The following EML5 variants were observed in gnomAD, a reference collection of about 807,000 sequenced individuals.
The protein encoded by EML5 is echinoderm microtubule-associated protein-like 5.
Under a neutral mutation model 250.0 loss-of-function variants are expected in EML5, and 120 were observed. The observed-to-expected ratio is 0.48, with a 90% CI of 0.41 to 0.56. EML5 has a LOEUF of 0.56. EML5 is among the 20% of genes least tolerant of loss of function. EML5 has a pLI of 0.00. For missense variants in EML5, 2,006 were observed against 2,437.6 expected (o/e 0.82, Z 3.73); for synonymous variants, 771 against 806.5 (o/e 0.96, Z 0.75).
chr14:88,757,807 C>A (rs746624595), intron 1 of EML5, among the ~76,000 whole-genome samples: 3 of 151,320 alleles, frequency 2.0e-5, no homozygotes, highest in African/African-American at 7.3e-5. Flanking sequence ...TCTTTCCTTC[C>A]TTCCTTTTCT....
At chr14:88,698,842 T>C (rs936974403) in intron 14 of EML5, among the ~76,000 whole-genome samples, 1 of 152,168 alleles carries the variant, frequency 6.6e-6, no homozygotes, top group African/African-American at 2.4e-5. Context: ...CACTGAGAAG[T>C]AATTTATGTG....
At chr14:88,728,828 T>G (rs1413316290) in intron 7 of EML5, among the ~76,000 whole-genome samples, 1 of 151,698 alleles carries the variant, frequency 6.6e-6, no homozygotes, top group East Asian at 1.9e-4. Context: ...GGAAGTAATC[T>G]CCCCCAAAAA....
chr14:88,729,695 G>T (rs1388698990), intron 7 of EML5, among the ~76,000 whole-genome samples: 2 of 151,892 alleles, frequency 1.3e-5, no homozygotes, highest in African/African-American at 4.8e-5. Flanking sequence ...GAGTAGCTGG[G>T]ATTACAAGCA....
intron 1 of EML5, among the ~76,000 whole-genome samples, chr14:88,759,276 G>C (rs2094204801): frequency 6.6e-6 from 1 of 152,034 alleles, no homozygotes; most frequent in South Asian, 2.1e-4. Context: ...CAAAATTCTG[G>C]CTCTGCTCTT....
In EML5 at chr14:88,626,599, A is replaced by G; in HGVS notation, c.4740+239T>C. The stretch of plus-strand genomic sequence containing the variant: ...ACCATTGCACCCCAGCCCAGGCGAC[A>G]GAGTGAGATACTGTGTCAAAAAAAA... On this transcript the variant is annotated intron_variant, in intron 35 of 43. Transcript: ENST00000554922. The G allele has an allele frequency of 8.2e-6, 4 of 486,860 alleles. No homozygotes were observed. The South Asian group carries it at 9.4e-5, about 11-fold the overall frequency. 30.2% of individuals were successfully genotyped at this position (486,860 alleles called of 1,614,324 possible). A position where few individuals can be genotyped will look rare whatever the true frequency, so the allele number is the denominator to read the frequency against.
In EML5 at chr14:88,661,799, C is replaced by A; in HGVS notation, c.3530G>T (p.Ser1177Ile). 1 of 1,612,122 alleles carries A rather than the reference C, an allele frequency of 6.2e-7. No individual in the cohort carries two copies. Among genetic ancestry groups the A allele is most frequent in the Non-Finnish European group, 8.5e-7 (1 of 1,179,032 alleles). Reference protein sequence around the residue: ...VEKIAWASWTSVLGLCCEGIW... With the variant: ...VEKIAWASWTIVLGLCCEGIW... The stretch of plus-strand genomic sequence containing the variant: ...TCCTTCACAGCATAAACCAAGTACA[C>A]TTGTCCATGATGCCCAAGCAATTTT... Residue 1177 changes from serine (S) to isoleucine (I), a missense_variant, in exon 25 of 44, where the codon AGT becomes ATT. Ser to Ile is a moderately radical substitution (Grantham distance 142, BLOSUM62 -2). Around this residue, in one of 7 missense-constraint regions of EML5, gnomAD observed 1,375 missense variants for 1,590.3 expected, o/e 0.86. Coordinates refer to ENST00000554922, the MANE Select transcript of EML5 (RefSeq NM_183387.3).
At chr14:88,656,419 A>G (rs953099795) in intron 27 of EML5, among the ~76,000 whole-genome samples, 1 of 152,176 alleles carries the variant, frequency 6.6e-6, no homozygotes, top group African/African-American at 2.4e-5. Context: ...TTGAACAATG[A>G]GAACATATGG....
intron 21 of EML5, among the ~76,000 whole-genome samples, chr14:88,673,510 T>C (rs1484739551): frequency 6.6e-6 from 1 of 152,220 alleles, no homozygotes; most frequent in Non-Finnish European, 1.5e-5. Context: ...CAACATAGTA[T>C]TGGAAGTTCT....
At position 88,792,730 on chromosome 14, in the gene EML5, CCGGCTGT is replaced by C; in HGVS notation, c.-234_-228del. 9.2e-7 allele frequency: 1 copy of C among 1,085,688 alleles called. No individual in the cohort carries two copies. The highest frequency in any genetic ancestry group is 1.1e-6 in the Non-Finnish European group (1 of 895,824). The allele number at this position is 1,085,688 out of a possible 1,614,324, so 67.3% of individuals were successfully genotyped here. A position where few individuals can be genotyped will look rare whatever the true frequency, so the allele number is the denominator to read the frequency against. On this transcript the variant is annotated 5_prime_UTR_variant, in exon 1 of 44. Transcript: ENST00000554922. This position sits in a 1 kb window ranked among gnomAD's most constrained non-coding sequence, Gnocchi z 6.9. Reference sequence around the variant, plus strand: ...AACATGCTGAGGGCCGCGAGCGCCGCCGGCTGTCAAGTGGATGCCCAGAGCCCTTCGC... The same window carrying C: ...AACATGCTGAGGGCCGCGAGCGCCGCCAAGTGGATGCCCAGAGCCCTTCGC...
rs754234515 is a variant in EML5 at position 88,696,831 on chromosome 14, C to T, written c.2344+16G>A. ...TGCATTTTGTTAATTCTTACTGAGA[C>T]AGCAAACAGCCTTACCTGAGAAATC... On this transcript the variant is annotated intron_variant, in intron 15 of 43. Transcript: ENST00000554922. 6.4e-7 allele frequency: 1 copy of T among 1,570,558 alleles called. No individual in the cohort carries two copies. Among genetic ancestry groups the T allele is most frequent in the East Asian group, 2.3e-5 (1 of 44,346 alleles).
intron 37 of EML5, chr14:88,621,840 C>A (rs1279587846): frequency 2.2e-6 from 1 of 456,150 alleles, no homozygotes; most frequent in Admixed American, 2.4e-5. Flanking sequence ...ATACGCATAA[C>A]CATCACCTCA....
intron 36 of EML5, chr14:88,623,679 T>C (rs1034710153): frequency 2.6e-5 from 4 of 152,296 alleles, no homozygotes; most frequent in African/African-American, 9.6e-5. Context: ...CCCAAAGTGT[T>C]GGGATTACAG....
chr14:88,651,616 T>C (rs1018633990), intron 27 of EML5, among the ~76,000 whole-genome samples: 3 of 152,114 alleles, frequency 2.0e-5, no homozygotes, highest in Admixed American at 6.6e-5. Flanking sequence ...TTCTTCCCCA[T>C]AGAACACTTT....
At chr14:88,688,203 T>C (rs2092880500) in intron 18 of EML5, 68 bp downstream of exon 18, 9 of 1,518,174 alleles carry the variant, frequency 5.9e-6, no homozygotes, top group African/African-American at 1.4e-5. Context: ...AGTGTTCCTT[T>C]ACTTCTTAAA....
At chr14:88,699,839 C>T (rs142561791) in intron 14 of EML5, among the ~76,000 whole-genome samples, 1,979 of 152,154 alleles carry the variant, frequency 0.013, 47 homozygotes, top group African/African-American at 0.044. Context: ...AAACACGAAA[C>T]GATGAACAGG....
At chr14:88,657,584 A>T (rs1297109221) in intron 26 of EML5, 82 bp from the exon 27 acceptor site, 2 of 1,312,020 alleles carry the variant, frequency 1.5e-6, no homozygotes, top group African/African-American at 3.0e-5. Flanking sequence ...AAAGATGTTC[A>T]ACAATATGAA....
At chr14:88,730,692 T>C (rs530070695) in intron 7 of EML5, among the ~76,000 whole-genome samples, 1 of 152,348 alleles carries the variant, frequency 6.6e-6, no homozygotes, top group African/African-American at 2.4e-5. Flanking sequence ...GACAAGAATT[T>C]GCTTTTATGA....
intron 42 of EML5, chr14:88,616,512 A>T: frequency 1.6e-6 from 1 of 607,956 alleles, no homozygotes; most frequent in Non-Finnish European, 2.8e-6. Flanking sequence ...TGAAAAGCTA[A>T]TTACAGCTTT....
chr14:88,655,664 G>T (rs1441412028), intron 27 of EML5, among the ~76,000 whole-genome samples: 1 of 152,156 alleles, frequency 6.6e-6, no homozygotes, highest in Non-Finnish European at 1.5e-5. Flanking sequence ...CACAGCAAGA[G>T]AAACCATCAT....
Sources: allele counts gnomAD v4.1 joint callset (sites outside exome capture counted in the v4.1 genomes callset), GRCh38; gene constraint gnomAD v4.1.1; regional missense constraint gnomAD v4.1.1; non-coding constraint Gnocchi (gnomAD v3.1); transcripts MANE v1.5; gene names NCBI Gene and HGNC (gene_info 2026-07-23, HGNC 2026-07-21).